Variants in FHIP1A observed in about 807,000 individuals in gnomAD.
The protein encoded by FHIP1A is FHF complex subunit HOOK-interacting protein 1A.
A neutral mutation model predicts 88.6 loss-of-function variants in FHIP1A; 61 were observed. The ratio of observed to expected loss-of-function variants is 0.69; its 90% CI spans 0.56 to 0.85. The LOEUF is 0.85. FHIP1A is among the 40% of genes least tolerant of loss of function. FHIP1A has a pLI of 0.00. For missense variants in FHIP1A, 1,154 were observed against 1,273.5 expected (o/e 0.91, Z 1.43); for synonymous variants, 478 against 496.0 (o/e 0.96, Z 0.48).
Position 151,541,780 on chromosome 4 carries a change from T to C in FHIP1A, c.-122-24358T>C, listed in dbSNP as rs997230343. On this transcript the variant is annotated intron_variant, in intron 3 of 13. Coordinates refer to ENST00000435205, the MANE Select transcript of FHIP1A (RefSeq NM_001109977.3). ...GGGCTCTGTCGGTAGTAGCCATTAGTGGGTTCTTTTATCTTGATTTTGTAA... is the reference window on the plus strand; with the variant it reads ...GGGCTCTGTCGGTAGTAGCCATTAGCGGGTTCTTTTATCTTGATTTTGTAA... 2.0e-5 allele frequency among the ~76,000 whole-genome samples: 3 copies of C among 152,212 alleles called. No homozygotes were observed. The East Asian group carries it at 5.8e-4, about 29-fold the overall frequency.
chr4:151,579,748 T>G (rs549118933), intron 5 of FHIP1A, among the ~76,000 whole-genome samples: 9 of 152,366 alleles, frequency 5.9e-5, no homozygotes, highest in African/African-American at 2.2e-4. Context: ...GAGACATTCC[T>G]GCAAATTATA....
chr4:151,612,662 G>A (rs962445295), intron 7 of FHIP1A, among the ~76,000 whole-genome samples: 3 of 152,144 alleles, frequency 2.0e-5, no homozygotes, highest in Non-Finnish European at 2.9e-5. Context: ...GATTACAGGC[G>A]TGAGCCACCG....
At position 151,662,687 on chromosome 4, in the gene FHIP1A, C is replaced by A; in HGVS notation, c.3056C>A (p.Ala1019Asp). 2 of 1,551,516 alleles carry A rather than the reference C, an allele frequency of 1.3e-6. No homozygotes were observed. The highest frequency in any genetic ancestry group is 1.7e-6 in the Non-Finnish European group (2 of 1,146,958). Residue 1019 changes from alanine (A) to aspartate (D), a missense_variant, in exon 14 of 14, where the codon GCC (alanine) becomes GAC (aspartate). Coordinates refer to ENST00000435205, the MANE Select transcript of FHIP1A (RefSeq NM_001109977.3). The part of the protein sequence containing the change: ...LFPEFLKELA[A>D]LAQEHSILCY... ...CCAGAGTTCCTGAAGGAGCTGGCGG[C>A]CTTGGCCCAGGAACACTCCATTCTG...
chr4:151,478,200 T>C (rs1442080536), intron 2 of FHIP1A, among the ~76,000 whole-genome samples: 1 of 152,194 alleles, frequency 6.6e-6, no homozygotes, highest in Non-Finnish European at 1.5e-5. Context: ...GTGAATTCTC[T>C]TTAGGTACCA....
intron 3 of FHIP1A, among the ~76,000 whole-genome samples, chr4:151,563,797 C>T (rs972838253): frequency 5.9e-5 from 9 of 151,806 alleles, no homozygotes; most frequent in African/African-American, 2.2e-4. Flanking sequence ...CGAGACCAGC[C>T]TGGGCAACAT....
intron 6 of FHIP1A, among the ~76,000 whole-genome samples, chr4:151,587,396 T>C (rs1734259606): frequency 6.6e-6 from 1 of 152,186 alleles, no homozygotes; most frequent in Non-Finnish European, 1.5e-5. Context: ...AATCAGATTT[T>C]AAGTATATTT....
At chr4:151,514,907 A>C (rs1183743076) in intron 3 of FHIP1A, among the ~76,000 whole-genome samples, 19 of 152,146 alleles carry the variant, frequency 1.2e-4, no homozygotes, top group South Asian at 2.1e-4. Context: ...CCTTCTGAAA[A>C]TATTCCAATC....
intron 7 of FHIP1A, among the ~76,000 whole-genome samples, chr4:151,594,686 G>T (rs996063010): frequency 1.3e-5 from 2 of 151,224 alleles, no homozygotes; most frequent in Admixed American, 6.6e-5. Flanking sequence ...ATGTCATTCT[G>T]TCTCAGCCTC....
At chr4:151,445,224 G>T (rs1052100916) in intron 1 of FHIP1A, among the ~76,000 whole-genome samples, 2 of 152,068 alleles carry the variant, frequency 1.3e-5, no homozygotes, top group Non-Finnish European at 2.9e-5. Context: ...TGAACAACCA[G>T]GTGAAGAGAT....
intron 2 of FHIP1A, among the ~76,000 whole-genome samples, chr4:151,464,389 G>C (rs1392491866): frequency 6.6e-6 from 1 of 152,174 alleles, no homozygotes; most frequent in African/African-American, 2.4e-5. Flanking sequence ...CTGGTTTAGA[G>C]AGGAACACAG....
intron 3 of FHIP1A, among the ~76,000 whole-genome samples, chr4:151,512,733 G>A (rs1731085773): frequency 1.3e-5 from 2 of 152,114 alleles, no homozygotes; most frequent in Non-Finnish European, 2.9e-5. Context: ...GAAATGAAGT[G>A]AGAAGGGAAG....
chr4:151,571,090 C>G (rs1733586009), intron 4 of FHIP1A, among the ~76,000 whole-genome samples: 1 of 152,176 alleles, frequency 6.6e-6, no homozygotes, highest in Non-Finnish European at 1.5e-5. Flanking sequence ...ATTAAATTCC[C>G]TACACTAGTT....
At chr4:151,531,607 A>G (rs1443529213) in intron 3 of FHIP1A, among the ~76,000 whole-genome samples, 1 of 152,124 alleles carries the variant, frequency 6.6e-6, no homozygotes. Flanking sequence ...GTGATTAATA[A>G]TGTAAATGAA....
intron 4 of FHIP1A, among the ~76,000 whole-genome samples, chr4:151,573,359 G>T (rs557301739): frequency 2.0e-5 from 3 of 151,918 alleles, no homozygotes; most frequent in Non-Finnish European, 4.4e-5. Context: ...GCTATGATCC[G>T]CAAAACGTTT....
intron 7 of FHIP1A, 94 bp from the exon 8 acceptor site, chr4:151,629,608 G>T: frequency 3.7e-6 from 4 of 1,095,888 alleles, no homozygotes; most frequent in South Asian, 1.5e-5. Context: ...TTGCCTTGAT[G>T]ATGTCACTGT....
chr4:151,417,758 T>G (rs1489512747), intron 1 of FHIP1A, among the ~76,000 whole-genome samples: 1 of 152,214 alleles, frequency 6.6e-6, no homozygotes, highest in Non-Finnish European at 1.5e-5. Flanking sequence ...TATTGCTTAT[T>G]CTCTAACACT....
At chr4:151,653,346 CTG>C (rs141948251) in intron 11 of FHIP1A, among the ~76,000 whole-genome samples, 3 of 151,676 alleles carry the variant, frequency 2.0e-5, no homozygotes, top group African/African-American at 7.3e-5. Flanking sequence ...CTAGGTCTCT[CTG>C]TGTGTGTGTC....
intron 2 of FHIP1A, among the ~76,000 whole-genome samples, chr4:151,457,704 T>C (rs1252605779): frequency 6.6e-6 from 1 of 152,184 alleles, no homozygotes; most frequent in Non-Finnish European, 1.5e-5. Flanking sequence ...TTCTATAATG[T>C]CTTTGATTTA....
intron 7 of FHIP1A, among the ~76,000 whole-genome samples, chr4:151,613,239 T>C (rs1161656416): frequency 6.6e-6 from 1 of 152,262 alleles, no homozygotes; most frequent in African/African-American, 2.4e-5. Flanking sequence ...CCGCTAGTGC[T>C]CATTTGGACA....
Sources: gnomAD v4.1 joint callset for allele counts (sites outside exome capture counted in the v4.1 genomes callset) on GRCh38, gnomAD v4.1.1 for gene constraint, MANE v1.5 for transcripts, NCBI Gene and HGNC (gene_info 2026-07-23, HGNC 2026-07-21) for gene names.